MYO16: variants seen among roughly 807,000 people sequenced by gnomAD.
MYO16 encodes the protein myosin XVI.
MYO16 carries 94 observed loss-of-function variants against 205.3 expected under a neutral mutation model. The ratio of observed to expected loss-of-function variants is 0.46; its 90% CI spans 0.39 to 0.54. MYO16 has a LOEUF of 0.54. MYO16 is among the 20% of genes least tolerant of loss of function. The pLI, the probability that MYO16 is intolerant of heterozygous loss-of-function variation, is 0.00. For synonymous variants in MYO16, 988 were observed against 954.0 expected (o/e 1.04, Z -0.66); for missense variants, 2,315 against 2,387.5 (o/e 0.97, Z 0.63).
the MYO16 span, among the ~76,000 whole-genome samples, chr13:108,543,877 C>T: frequency 6.7e-6 from 1 of 149,338 alleles, no homozygotes; most frequent in Non-Finnish European, 1.5e-5. Flanking sequence ...ACCAGCCCGG[C>T]CAACATGGAG....
chr13:108,776,118 G>C lies in MYO16; in HGVS notation c.508-9517G>C, dbSNP rs1476750682. On this transcript the variant is annotated intron_variant, in intron 4 of 34. Coordinates refer to ENST00000457511, the MANE Select transcript of MYO16 (RefSeq NM_001198950.3). ...CTTCAAAGAATCCCCTTTGTATCAA[G>C]GTGTTATCTCCAAATGCAAATATTT... 4.6e-5 allele frequency among the ~76,000 whole-genome samples: 7 copies of C among 152,128 alleles called. No homozygotes were observed. The South Asian group carries it at 1.4e-3, about 31-fold the overall frequency.
chr13:108,943,323 G>A (rs899947653), intron 16 of MYO16, among the ~76,000 whole-genome samples: 1 of 152,152 alleles, frequency 6.6e-6, no homozygotes, highest in African/African-American at 2.4e-5. Flanking sequence ...AATGCAAAAT[G>A]AGTTATGTAA....
chr13:108,639,307 T>C (rs748463238), intron 1 of MYO16, among the ~76,000 whole-genome samples: 5 of 152,186 alleles, frequency 3.3e-5, no homozygotes, highest in Non-Finnish European at 5.9e-5. Flanking sequence ...CAGAATTTAT[T>C]GTCTGATTAG....
intron 9 of MYO16, among the ~76,000 whole-genome samples, chr13:108,833,868 T>G (rs985790801): frequency 2.6e-5 from 4 of 152,166 alleles, no homozygotes; most frequent in African/African-American, 9.7e-5. Context: ...TAAGCTACCC[T>G]TGGATGGTAC....
chr13:108,582,273 C>G, the MYO16 span, among the ~76,000 whole-genome samples: 1 of 152,112 alleles, frequency 6.6e-6, no homozygotes, highest in Non-Finnish European at 1.5e-5. Flanking sequence ...TGTTGAAACA[C>G]CACCGAGTCA....
At chr13:108,992,263 A>G in intron 20 of MYO16, 113 bp from the exon 21 acceptor site, 1 of 605,320 alleles carries the variant, frequency 1.7e-6, no homozygotes, top group Admixed American at 3.5e-5. Context: ...TTTTTAGTCC[A>G]AATTGGCAGC....
chr13:108,876,641 C>T (rs1356733960), intron 12 of MYO16, among the ~76,000 whole-genome samples: 2 of 150,838 alleles, frequency 1.3e-5, no homozygotes, highest in Non-Finnish European at 2.9e-5. Context: ...TTTTAATTAA[C>T]TCATAACATA....
chr13:108,901,758 AT>A (rs1880722566), intron 15 of MYO16, among the ~76,000 whole-genome samples: 1 of 152,098 alleles, frequency 6.6e-6, no homozygotes, highest in Non-Finnish European at 1.5e-5. Context: ...TGGCCAAATG[AT>A]TTGGTGATCG....
At chr13:109,149,753 A>G (rs1877549041) in intron 32 of MYO16, among the ~76,000 whole-genome samples, 1 of 151,938 alleles carries the variant, frequency 6.6e-6, no homozygotes, top group Non-Finnish European at 1.5e-5. Flanking sequence ...TTCCTGGAAA[A>G]TCCTTTCTAC....
chr13:108,823,348 A>C, intron 9 of MYO16, 70 bp downstream of exon 9: 1 of 1,414,740 alleles, frequency 7.1e-7, no homozygotes, highest in Admixed American at 2.2e-5. Flanking sequence ...GCCCATATTA[A>C]GTCTGACTCT....
chr13:108,535,671 A>G, the MYO16 span, among the ~76,000 whole-genome samples: 1 of 152,276 alleles, frequency 6.6e-6, no homozygotes, highest in South Asian at 2.1e-4. Flanking sequence ...AATTTACTCT[A>G]TGGCTTTACT....
At position 108,964,831 on chromosome 13, in the gene MYO16, G is replaced by A; in HGVS notation, c.2298G>A (p.Leu766=). The A allele has an allele frequency of 8.1e-6, 13 of 1,614,064 alleles. No homozygotes were observed. The highest frequency in any genetic ancestry group is 1.1e-5 in the Non-Finnish European group (13 of 1,179,996). The change falls in exon 20 of 35, where the codon CTG becomes CTA. Residue 766 remains leucine (L), a synonymous_variant. Coordinates refer to ENST00000457511, the MANE Select transcript of MYO16 (RefSeq NM_001198950.3). ...TCCGAGACCTCTTGGCCAAGTCCCT[G>A]TACAGTCGTTTGTTTAGCTTTTTGG... is the stretch of plus-strand genomic sequence containing the variant. ...EFFRDLLAKS[L]YSRLFSFLVN... is the part of the protein sequence containing the mutation.
intron 1 of MYO16, among the ~76,000 whole-genome samples, chr13:108,597,430 T>C (rs1470945804): frequency 6.6e-6 from 1 of 152,174 alleles, no homozygotes; most frequent in East Asian, 1.9e-4. Flanking sequence ...TTTTTAGATG[T>C]TGTCTTATTG....
chr13:109,079,950 A>C (rs1257073471), intron 27 of MYO16, among the ~76,000 whole-genome samples: 1 of 145,254 alleles, frequency 6.9e-6, no homozygotes, highest in Non-Finnish European at 1.5e-5. Flanking sequence ...ATCTCAGCTC[A>C]CTGCAACCTC....
intron 1 of MYO16, among the ~76,000 whole-genome samples, chr13:108,603,813 C>CT (rs992622592): frequency 1.3e-5 from 2 of 152,148 alleles, no homozygotes; most frequent in African/African-American, 4.8e-5. Context: ...ATAGATTACT[C>CT]TTTTCCAAAT....
intron 1 of MYO16, among the ~76,000 whole-genome samples, chr13:108,601,089 G>A (rs74117269): frequency 0.024 from 3,685 of 152,168 alleles, 156 homozygotes; most frequent in African/African-American, 0.083. Flanking sequence ...CTTACAAAGG[G>A]ACCACTTTTT....
At chr13:108,651,986 A>G (rs1881026011) in intron 1 of MYO16, among the ~76,000 whole-genome samples, 1 of 152,124 alleles carries the variant, frequency 6.6e-6, no homozygotes, top group African/African-American at 2.4e-5. Context: ...AGTAGGTTGA[A>G]ATTGATTATA....
intron 4 of MYO16, among the ~76,000 whole-genome samples, chr13:108,734,852 G>A: frequency 6.6e-6 from 1 of 152,214 alleles, no homozygotes; most frequent in East Asian, 1.9e-4. Context: ...CAGCGTGTCA[G>A]CTTGGTGGCC....
intron 20 of MYO16, among the ~76,000 whole-genome samples, chr13:108,987,132 T>G (rs1477209235): frequency 6.6e-6 from 1 of 152,138 alleles, no homozygotes; most frequent in Non-Finnish European, 1.5e-5. Flanking sequence ...CTTCCTAACA[T>G]ATATTTCTGT....
Sources: allele counts gnomAD v4.1 joint callset (sites outside exome capture counted in the v4.1 genomes callset), GRCh38; gene constraint gnomAD v4.1.1; transcripts MANE v1.5; gene names NCBI Gene and HGNC (gene_info 2026-07-23, HGNC 2026-07-21).